The following ANK2 variants were observed in gnomAD, a reference collection of about 807,000 sequenced individuals.
The protein encoded by ANK2 is ankyrin 2.
In ANK2, 83 loss-of-function variants were observed where a neutral mutation model predicts 360.5. The observed-to-expected ratio is 0.23, with a 90% CI of 0.19 to 0.28. The LOEUF (loss-of-function observed/expected upper bound fraction) is 0.28. Ranked by LOEUF, ANK2 falls within the 10% of genes least tolerant of loss-of-function variation. ANK2 has a pLI of 1.00. For missense variants in ANK2, 4,201 were observed against 4,795.7 expected (o/e 0.88, Z 3.66); for synonymous variants, 1,740 against 1,759.5 (o/e 0.99, Z 0.28).
rs1247228350 is a variant in ANK2 at position 113,287,590 on chromosome 4, C to T, written c.2080-15C>T. 1.7e-5 allele frequency: 27 copies of T among 1,560,208 alleles called. No homozygotes were observed. Among genetic ancestry groups the T allele is most frequent in the Non-Finnish European group, 2.4e-5 (27 of 1,131,254 alleles). ...CTTCTTCAACTGTATCCCTTTGGTT[C>T]CATTCTTTCTGTAGAGTGGACTCAC... On this transcript the variant is annotated splice_polypyrimidine_tract_variant and intron_variant, in intron 18 of 45. Transcript: ENST00000357077.
chr4:113,034,647 A>G (rs1428238728), intron 2 of ANK2: 1 of 152,000 alleles, frequency 6.6e-6, no homozygotes, highest in East Asian at 1.9e-4. Flanking sequence ...AATATTGACA[A>G]TCTTTCTGGG....
intron 1 of ANK2, chr4:112,826,930 CA>C (rs1384150452): frequency 1.3e-6 from 2 of 1,535,922 alleles, no homozygotes; most frequent in East Asian, 4.5e-5. Context: ...GTCTTAGCAA[CA>C]AACTCTGAAT....
chr4:112,707,791 G>T, the ANK2 span, among the ~76,000 whole-genome samples: 1 of 152,098 alleles, frequency 6.6e-6, no homozygotes, highest in African/African-American at 2.4e-5. Flanking sequence ...GCAAAAATAC[G>T]TATAAAAATA....
intron 2 of ANK2, among the ~76,000 whole-genome samples, chr4:112,988,613 A>G (rs1315584114): frequency 1.3e-5 from 2 of 152,264 alleles, no homozygotes; most frequent in Non-Finnish European, 1.5e-5. Flanking sequence ...AAATGGAAGT[A>G]TAACAGTGGC....
chr4:113,234,886 T>C (rs1351503209), intron 5 of ANK2, among the ~76,000 whole-genome samples: 4 of 152,226 alleles, frequency 2.6e-5, no homozygotes, highest in Non-Finnish European at 5.9e-5. Context: ...GATTTCCTTT[T>C]AATTGAGGCA....
At chr4:113,142,799 G>T (rs139450041) in intron 1 of ANK2, among the ~76,000 whole-genome samples, 8 of 152,178 alleles carry the variant, frequency 5.3e-5, no homozygotes, top group African/African-American at 1.9e-4. Context: ...ACAGTTGTCA[G>T]CATGTTACTT....
intron 20 of ANK2, among the ~76,000 whole-genome samples, chr4:113,291,917 G>A (rs1206723942): frequency 6.6e-6 from 1 of 152,150 alleles, no homozygotes; most frequent in Non-Finnish European, 1.5e-5. Flanking sequence ...CAATGATTTA[G>A]AATCCCTAAA....
rs1169327428 is a variant in ANK2, at chr4:112,840,510, GC to G, written c.-40+22247del. 3.9e-5 allele frequency among the ~76,000 whole-genome samples: 6 copies of G among 152,288 alleles called. 1 individual carries two copies. Among genetic ancestry groups the G allele is most frequent in the Admixed American group, 2.0e-4 (3 of 15,292 alleles). On this transcript the variant is annotated intron_variant, in intron 1 of 30. Coordinates refer to the ANK2 transcript ENST00000503271. Reference sequence around the variant, plus strand: ...GCAGATTCTGGGTTAGGTTGGGAGTGCTGGATGCGGGGATAAGGGCCACAGG... The same window carrying G: ...GCAGATTCTGGGTTAGGTTGGGAGTGTGGATGCGGGGATAAGGGCCACAGG...
At chr4:113,049,870 A>G in intron 1 of ANK2, 58 bp downstream of exon 1, 2 of 1,579,464 alleles carry the variant, frequency 1.3e-6, no homozygotes, top group Non-Finnish European at 1.7e-6. Flanking sequence ...TGCATGTGTG[A>G]GTGTGTAATA....
chr4:113,044,992 T>C (rs982747399), upstream of ANK2, among the ~76,000 whole-genome samples: 2 of 152,178 alleles, frequency 1.3e-5, no homozygotes, highest in African/African-American at 2.4e-5. Flanking sequence ...GGAAAGCCTT[T>C]TGAGGGCTTT....
Position 113,354,700 on chromosome 4 carries a change from C to T in ANK2, c.6082C>T (p.Arg2028Trp), listed in dbSNP as rs1411026310. Reference protein sequence around the residue: ...QKQPQEKGKVRVEKEKGPILT... With the variant: ...QKQPQEKGKVWVEKEKGPILT... ...GCAGCCACAAGAGAAAGGTAAAGTTCGGGTAGAAAAAGAAAAGGGGCCGAT... is the reference window on the plus strand; with the variant it reads ...GCAGCCACAAGAGAAAGGTAAAGTTTGGGTAGAAAAAGAAAAGGGGCCGAT... The change falls in exon 38 of 46, where the codon CGG becomes TGG. Residue 2028 changes from arginine to tryptophan, a missense_variant. Arg to Trp is a moderately radical substitution (Grantham distance 101). Around this residue, in one of 4 missense-constraint regions of ANK2, gnomAD observed 2,642 missense variants for 2,714.5 expected, o/e 0.97. Coordinates refer to ENST00000357077, the MANE Select transcript of ANK2 (RefSeq NM_001148.6). 5.6e-6 allele frequency: 9 copies of T among 1,613,638 alleles called. No individual in the cohort carries two copies. Among genetic ancestry groups the T allele is most frequent in the Middle Eastern group, 1.6e-4 (1 of 6,082 alleles).
intron 2 of ANK2, among the ~76,000 whole-genome samples, chr4:112,973,275 A>G (rs1238153291): frequency 3.3e-5 from 5 of 152,160 alleles, no homozygotes; most frequent in African/African-American, 4.8e-5. Flanking sequence ...TTATTTTGAA[A>G]ATTAAGAAGA....
intron 1 of ANK2, among the ~76,000 whole-genome samples, chr4:113,168,721 A>G (rs1341856525): frequency 6.7e-6 from 1 of 149,388 alleles, no homozygotes; most frequent in African/African-American, 2.6e-5. Context: ...AATTCTTTCT[A>G]AAAAATCCTA....
At chr4:112,846,798 G>C (rs1185753714) in intron 1 of ANK2, among the ~76,000 whole-genome samples, 2 of 152,094 alleles carry the variant, frequency 1.3e-5, no homozygotes, top group Non-Finnish European at 2.9e-5. Flanking sequence ...AGGTAGATGG[G>C]TCGTTTTGCC....
chr4:113,117,143 C>T lies in ANK2; in HGVS notation c.85-57273C>T, dbSNP rs867711665. 15 of 371,110 alleles carry T rather than the reference C, an allele frequency of 4.0e-5. No homozygotes were observed. In the Middle Eastern group the frequency reaches 2.7e-3, roughly 66 times the overall value. The allele number at this position is 371,110 out of a possible 1,614,324, so 23.0% of individuals were successfully genotyped here. A position where few individuals can be genotyped will look rare whatever the true frequency, so the allele number is the denominator to read the frequency against. On this transcript the variant is annotated intron_variant, in intron 1 of 45. Transcript: ENST00000357077. ...GCAAGATTATGACCTAGCTCGGGGG[C>T]GGAGTGGATTATCTTGTGAGTGTTC...
chr4:112,760,430 G>A, the ANK2 span, among the ~76,000 whole-genome samples: 3 of 151,904 alleles, frequency 2.0e-5, no homozygotes, highest in East Asian at 3.9e-4. Flanking sequence ...CTTGTGATCC[G>A]CCCGCCTTGG....
the ANK2 span, among the ~76,000 whole-genome samples, chr4:112,768,549 C>T: frequency 1.8e-4 from 28 of 151,810 alleles, no homozygotes; most frequent in African/African-American, 6.0e-4. Context: ...CCACCGCACC[C>T]GGCTTTTTCA....
chr4:112,929,939 T>A (rs1034832661), intron 2 of ANK2, among the ~76,000 whole-genome samples: 5 of 152,164 alleles, frequency 3.3e-5, no homozygotes, highest in Non-Finnish European at 7.4e-5. Context: ...ATTACCCAGT[T>A]AGGAGACTGT....
At chr4:112,924,261 C>T (rs1317144115) in intron 2 of ANK2, among the ~76,000 whole-genome samples, 3 of 151,352 alleles carry the variant, frequency 2.0e-5, no homozygotes, top group East Asian at 3.9e-4. Context: ...CCCAGCTACT[C>T]GGGAGGCTGA....
Sources: gnomAD v4.1 joint callset for allele counts (sites outside exome capture counted in the v4.1 genomes callset) on GRCh38, gnomAD v4.1.1 for gene constraint, gnomAD v4.1.1 regional missense constraint, MANE v1.5 for transcripts, NCBI Gene and HGNC (gene_info 2026-07-23, HGNC 2026-07-21) for gene names.